The following CTNNA1 variants were observed in gnomAD, a reference collection of about 807,000 sequenced individuals.
CTNNA1 encodes catenin alpha-1.
Under a neutral mutation model 98.4 loss-of-function variants are expected in CTNNA1, and 37 were observed. That is an observed-to-expected ratio of 0.38 (90% confidence interval 0.29 to 0.49). The LOEUF (loss-of-function observed/expected upper bound fraction) is 0.49. Ranked by LOEUF, CTNNA1 falls within the 20% of genes least tolerant of loss-of-function variation. CTNNA1 has a pLI of 0.95. For missense variants in CTNNA1, 761 were observed against 1,147.2 expected (o/e 0.66, Z 4.86); for synonymous variants, 404 against 413.2 (o/e 0.98, Z 0.27).
At chr5:138,807,017 T>A (rs1298865619) in intron 3 of CTNNA1, among the ~76,000 whole-genome samples, 5 of 150,556 alleles carry the variant, frequency 3.3e-5, no homozygotes, top group African/African-American at 7.3e-5. Flanking sequence ...ACTTTTTTTT[T>A]TTTTTTTTTT....
intron 9 of CTNNA1, among the ~76,000 whole-genome samples, chr5:138,898,117 G>A (rs568414365): frequency 6.6e-6 from 1 of 151,998 alleles, no homozygotes; most frequent in Non-Finnish European, 1.5e-5. Context: ...GAGTTCTTAT[G>A]AGATCTGGTC....
chr5:138,887,784 T>C (rs1294196163), intron 9 of CTNNA1, 142 bp downstream of exon 9: 1 of 676,142 alleles, frequency 1.5e-6, no homozygotes, highest in Non-Finnish European at 2.5e-6. Context: ...TCATTATCAC[T>C]TAACATCTAA....
chr5:138,891,947 G>A (rs76723662), intron 9 of CTNNA1, among the ~76,000 whole-genome samples: 5,106 of 152,288 alleles, frequency 0.034, 246 homozygotes, highest in African/African-American at 0.1. Context: ...AAATGCATAT[G>A]TGATTGATTG....
chr5:138,874,331 T>C lies in CTNNA1; in HGVS notation c.1063-11881T>C, dbSNP rs572904366. ...ACTGAAGCTGGCAAATTGATCTCTT[T>C]CGAGCTCTGTGATGTGATTGTGCCT... On this transcript the variant is annotated intron_variant, in intron 7 of 17. Transcript: ENST00000302763. The surrounding 1 kb of genome is among the most constrained non-coding windows in gnomAD (Gnocchi z 4.1). 1.9e-6 allele frequency: 3 copies of C among 1,614,056 alleles called. No homozygotes were observed. The highest frequency in any genetic ancestry group is 2.2e-5 in the South Asian group (2 of 91,076).
chr5:138,815,293 A>G (rs1759318772), intron 5 of CTNNA1, among the ~76,000 whole-genome samples: 1 of 152,042 alleles, frequency 6.6e-6, no homozygotes, highest in Non-Finnish European at 1.5e-5. Flanking sequence ...TGGAATTATT[A>G]TATACATGCT....
At chr5:138,809,224 GT>G (rs1326667215) in intron 3 of CTNNA1, among the ~76,000 whole-genome samples, 2 of 152,080 alleles carry the variant, frequency 1.3e-5, no homozygotes, top group African/African-American at 4.8e-5. Flanking sequence ...TATTTTATAT[GT>G]TTTTAGCTAG....
intron 7 of CTNNA1, chr5:138,875,510 C>A (rs769353424): frequency 7.1e-6 from 7 of 985,270 alleles, no homozygotes; most frequent in Non-Finnish European, 8.4e-6. Flanking sequence ...AAGAAGAACT[C>A]CTGACTTAAA....
At chr5:138,792,866 A>T (rs1364612162) in intron 3 of CTNNA1, among the ~76,000 whole-genome samples, 2 of 152,242 alleles carry the variant, frequency 1.3e-5, no homozygotes, top group African/African-American at 4.8e-5. Flanking sequence ...CAATAACTTT[A>T]TTAAAACTAG....
Position 138,917,856 on chromosome 5 carries a change from G to C in CTNNA1, c.1504G>C (p.Val502Leu), listed in dbSNP as rs1060502219. The C allele has an allele frequency of 3.7e-6, 6 of 1,614,094 alleles. No homozygotes were observed. In the African/African-American group the frequency reaches 8.0e-5, roughly 22 times the overall value. ...ACAAGTCCGTGTTCTCACAGATGCT[G>C]TCGATGACATTACTTCCATTGATGA... ...EKQVRVLTDAVDDITSIDDFL... is the reference protein window; with the variant it reads ...EKQVRVLTDALDDITSIDDFL... Residue 502 changes from valine to leucine, a missense_variant, in exon 11 of 18, where the codon GTC becomes CTC. Val to Leu is a conservative substitution (Grantham distance 32). Coordinates refer to ENST00000302763, the MANE Select transcript of CTNNA1 (RefSeq NM_001903.5).
chr5:138,769,731 C>T (rs1037467008), intron 1 of CTNNA1, among the ~76,000 whole-genome samples: 2 of 151,898 alleles, frequency 1.3e-5, no homozygotes, highest in Non-Finnish European at 2.9e-5. Context: ...CAGGGTTTCT[C>T]CCTGTTGATC....
At chr5:138,788,372 A>G (rs898744357) in intron 3 of CTNNA1, among the ~76,000 whole-genome samples, 1 of 152,158 alleles carries the variant, frequency 6.6e-6, no homozygotes, top group Admixed American at 6.5e-5. Context: ...TTTCCTTTCC[A>G]GTGCCAAATG....
chr5:138,800,314 C>T (rs571379115), intron 3 of CTNNA1, among the ~76,000 whole-genome samples: 4 of 152,058 alleles, frequency 2.6e-5, no homozygotes, highest in South Asian at 4.2e-4. Flanking sequence ...TAGTAAGATT[C>T]GAGAAAAAGC....
At chr5:138,922,344 C>G (rs971699842) in intron 11 of CTNNA1, among the ~76,000 whole-genome samples, 3 of 152,174 alleles carry the variant, frequency 2.0e-5, no homozygotes, top group African/African-American at 4.8e-5. Context: ...TATAGCCCCT[C>G]CATCTATTCA....
At chr5:138,821,824 T>A (rs1266261645) in intron 5 of CTNNA1, among the ~76,000 whole-genome samples, 1 of 152,182 alleles carries the variant, frequency 6.6e-6, no homozygotes, top group African/African-American at 2.4e-5. Flanking sequence ...TTGTAAATAA[T>A]CTATTATGTT....
chr5:138,835,068 G>T (rs959717527), intron 7 of CTNNA1, among the ~76,000 whole-genome samples: 1 of 152,132 alleles, frequency 6.6e-6, no homozygotes, highest in Non-Finnish European at 1.5e-5. Flanking sequence ...AGGGTGGGGA[G>T]GGTGTATTGT....
intron 4 of CTNNA1, among the ~76,000 whole-genome samples, chr5:138,811,798 A>T (rs564529948): frequency 6.6e-6 from 1 of 152,300 alleles, no homozygotes; most frequent in African/African-American, 2.4e-5. Flanking sequence ...CACGCCTGCA[A>T]ATCGCAGGCA....
intron 3 of CTNNA1, among the ~76,000 whole-genome samples, chr5:138,789,267 A>C (rs1019581998): frequency 1.3e-5 from 2 of 152,252 alleles, no homozygotes; most frequent in Non-Finnish European, 2.9e-5. Flanking sequence ...TGGGAGGATA[A>C]GCATGGGATT....
intron 7 of CTNNA1, among the ~76,000 whole-genome samples, chr5:138,849,299 T>C (rs1762991546): frequency 2.0e-5 from 3 of 152,230 alleles, no homozygotes; most frequent in Admixed American, 2.0e-4. Flanking sequence ...GAAAAAGCTA[T>C]TATGAATAGG....
At position 138,921,596 on chromosome 5, in the gene CTNNA1, A is replaced by T. The variant is rs201231161; in HGVS notation, c.1547-2914A>T. Among the ~76,000 whole-genome samples, 156 of 104,014 alleles carry T rather than the reference A, an allele frequency of 1.5e-3. 2 individuals carry two copies. Among genetic ancestry groups the T allele is most frequent in the Admixed American group, 7.3e-4 (7 of 9,602 alleles). The allele number at this position is 104,014 out of a possible 152,430, so 68.2% of individuals were successfully genotyped here. A position where few individuals can be genotyped will look rare whatever the true frequency, so the allele number is the denominator to read the frequency against. On this transcript the variant is annotated intron_variant, in intron 11 of 17. Transcript: ENST00000302763. ...AAGTGGTGAAGTTAGATTAGTGGTGATTTTTTTTTTTTTTTTTTTTTTTGA... is the reference window on the plus strand; with the variant it reads ...AAGTGGTGAAGTTAGATTAGTGGTGTTTTTTTTTTTTTTTTTTTTTTTTGA...
Sources: gnomAD v4.1 joint callset for allele counts (sites outside exome capture counted in the v4.1 genomes callset) on GRCh38, gnomAD v4.1.1 for gene constraint, Gnocchi (gnomAD v3.1) non-coding constraint, MANE v1.5 for transcripts, NCBI Gene and HGNC (gene_info 2026-07-23, HGNC 2026-07-21) for gene names.